The following TRAP1 variants were observed in gnomAD, a reference collection of about 807,000 sequenced individuals.
TRAP1 encodes heat shock protein 75 kDa, mitochondrial.
In TRAP1, 102 loss-of-function variants were observed where a neutral mutation model predicts 89.1. That is an observed-to-expected ratio of 1.15 (90% CI 0.98 to 1.35). The LOEUF (loss-of-function observed/expected upper bound fraction) is 1.35. TRAP1 is among the 40% of genes most tolerant of loss of function. The pLI, the probability that TRAP1 is intolerant of heterozygous loss-of-function variation, is 0.00. For missense variants in TRAP1, 1,256 were observed against 945.3 expected (o/e 1.33, Z -4.31); for synonymous variants, 508 against 388.0 (o/e 1.31, Z -3.64).
intron 5 of TRAP1, among the ~76,000 whole-genome samples, chr16:3,678,926 C>A (rs578014192): frequency 6.6e-6 from 1 of 152,198 alleles, no homozygotes; most frequent in Admixed American, 6.5e-5. Flanking sequence ...GTGGGCTTGA[C>A]GCAGAGAGGG....
chr16:3,717,459 G>A lies in TRAP1; in HGVS notation c.50C>T (p.Pro17Leu). Residue 17 changes from proline (P) to leucine (L), a missense_variant, in exon 1 of 18, where the codon CCT becomes CTT. By Grantham distance (98) the Pro-to-Leu change is moderately conservative (BLOSUM62 -3). Transcript: ENST00000246957. ...ALLLWGRRLR[P>L]LLRAPALAAV... ...CGCCAGCGCCGGCGCCCGCAGCAAAGGCCGCAGGCGGCGGCCCCACAGCAG... is the reference window on the plus strand; with the variant it reads ...CGCCAGCGCCGGCGCCCGCAGCAAAAGCCGCAGGCGGCGGCCCCACAGCAG... The A allele has an allele frequency of 7.7e-7, 1 of 1,296,686 alleles. No individual in the cohort carries two copies. The highest frequency in any genetic ancestry group is 9.7e-7 in the Non-Finnish European group (1 of 1,029,306). The allele number at this position is 1,296,686 out of a possible 1,614,324, so 80.3% of individuals were successfully genotyped here.
Position 3,674,498 on chromosome 16 carries a change from G to C in TRAP1, c.889-4C>G, listed in dbSNP as rs758767536. On this transcript the variant is annotated splice_polypyrimidine_tract_variant and splice_region_variant and intron_variant, in intron 8 of 17. Coordinates refer to ENST00000246957, the MANE Select transcript of TRAP1 (RefSeq NM_016292.3). ...TGGGGTCCATCATCCAGATGGCCTGGAAACGGAGATCGGCGGGGAGGGCGT... is the reference window on the plus strand; with the variant it reads ...TGGGGTCCATCATCCAGATGGCCTGCAAACGGAGATCGGCGGGGAGGGCGT... 1 of 1,613,770 alleles carries C rather than the reference G, an allele frequency of 6.2e-7. No homozygotes were observed. Among genetic ancestry groups the C allele is most frequent in the African/African-American group, 1.3e-5 (1 of 75,058 alleles).
At chr16:3,698,022 A>G (rs1432970169) in intron 1 of TRAP1, among the ~76,000 whole-genome samples, 1 of 151,878 alleles carries the variant, frequency 6.6e-6, no homozygotes, top group Non-Finnish European at 1.5e-5. Flanking sequence ...CATGTTGGCC[A>G]GGATGGTCTC....
Position 3,664,330 on chromosome 16 carries a change from G to A in TRAP1, c.1513C>T (p.Arg505Cys), listed in dbSNP as rs143446368. ...TAGGGTGAGTGCTCTGCCAGGTGAC[G>A]GTTGGGGGCGCACAGGTAGTAGATG... ...RNIYYLCAPN[R>C]HLAEHSPYYE... is the part of the protein sequence containing the mutation. Residue 505 changes from arginine (R) to cysteine (C), a missense_variant, in exon 13 of 18, where the codon CGT becomes TGT. Transcript: ENST00000246957. 56 of 1,612,644 alleles carry A rather than the reference G, an allele frequency of 3.5e-5. No individual in the cohort carries two copies. The highest frequency in any genetic ancestry group is 8.9e-5 in the East Asian group (4 of 44,852).
In TRAP1 at chr16:3,686,100, CA is replaced by C; in HGVS notation, c.366del (p.Asp122GlufsTer42). On this transcript the variant is annotated frameshift_variant, in exon 4 of 18. Transcript: ENST00000246957. LOFTEE classifies it high-confidence loss of function. ...FIRELISNAS[D>X]ALEKLRHKLV... ...AGTTTGTGACGCAGTTTTTCCAAGG[CA>C]TCGCTGGCATTGGAGATCAGCTCCC... The C allele has an allele frequency of 6.2e-7, 1 of 1,614,112 alleles. No homozygotes were observed.
At chr16:3,694,845 G>A (rs1418056498) in intron 1 of TRAP1, among the ~76,000 whole-genome samples, 1 of 152,138 alleles carries the variant, frequency 6.6e-6, no homozygotes. Context: ...AAACCCGGTA[G>A]CTTACAGTAA....
chr16:3,691,079 G>C, intron 1 of TRAP1, 94 bp from the exon 2 acceptor site: 1 of 1,206,506 alleles, frequency 8.3e-7, no homozygotes, highest in East Asian at 2.8e-5. Context: ...GCAGAAGCTA[G>C]CGTGGACATC....
At chr16:3,697,936 G>A (rs2051311914) in intron 1 of TRAP1, among the ~76,000 whole-genome samples, 1 of 151,276 alleles carries the variant, frequency 6.6e-6, no homozygotes, top group South Asian at 2.1e-4. Flanking sequence ...TTGCAGGTGT[G>A]CACCACCATG....
chr16:3,662,341 C>T (rs1054808292), intron 15 of TRAP1: 2 of 645,996 alleles, frequency 3.1e-6, no homozygotes, highest in South Asian at 4.0e-5. Context: ...GCCCGAGGGG[C>T]TCCACCACCC....
intron 3 of TRAP1, among the ~76,000 whole-genome samples, chr16:3,688,766 G>C (rs961040222): frequency 2.6e-5 from 4 of 152,104 alleles, no homozygotes; most frequent in Non-Finnish European, 5.9e-5. Context: ...TCCCAGGCAT[G>C]AGCCACCACA....
intron 1 of TRAP1, among the ~76,000 whole-genome samples, chr16:3,696,598 C>A (rs1031281590): frequency 6.6e-6 from 1 of 152,204 alleles, no homozygotes. Context: ...CTCTGTTGCC[C>A]AGGCTGGATC....
rs375238398 is a variant in TRAP1 at position 3,690,882 on chromosome 16, G to A, written c.192C>T (p.Ala64=). The A allele has an allele frequency of 2.0e-5, 31 of 1,586,036 alleles. No individual in the cohort carries two copies. The highest frequency in any genetic ancestry group is 2.5e-5 in the Non-Finnish European group (29 of 1,166,468). ...QAGRLFSTQT[A]EDKEEPLHSI... ...AGTGCAGGGGTTCCTCCTTGTCCTCGGCGGTCTGCGTGCTGAACAGTCGTC... is the reference window on the plus strand; with the variant it reads ...AGTGCAGGGGTTCCTCCTTGTCCTCAGCGGTCTGCGTGCTGAACAGTCGTC... Residue 64 remains alanine, a synonymous_variant, in exon 2 of 18, where the codon GCC becomes GCT. Coordinates refer to ENST00000246957, the MANE Select transcript of TRAP1 (RefSeq NM_016292.3).
chr16:3,717,230 G>A (rs1317978784), intron 1 of TRAP1, among the ~76,000 whole-genome samples, 191 bp downstream of exon 1: 1 of 152,208 alleles, frequency 6.6e-6, no homozygotes, highest in Non-Finnish European at 1.5e-5. Flanking sequence ...GAGTCCAGCC[G>A]AGGAAAAGGC....
At chr16:3,715,099 C>T (rs1456446851) in intron 1 of TRAP1, among the ~76,000 whole-genome samples, 1 of 152,116 alleles carries the variant, frequency 6.6e-6, no homozygotes, top group Non-Finnish European at 1.5e-5. Context: ...CTTGAACCAC[C>T]GCACCAGAAG....
At chr16:3,716,598 G>A (rs901041190) in intron 1 of TRAP1, among the ~76,000 whole-genome samples, 1 of 151,152 alleles carries the variant, frequency 6.6e-6, no homozygotes, top group Non-Finnish European at 1.5e-5. Context: ...GAAGTACAAC[G>A]TAGCACAATG....
intron 1 of TRAP1, among the ~76,000 whole-genome samples, chr16:3,692,595 CTTTTT>C (rs202237111): frequency 1.9e-5 from 2 of 105,194 alleles, no homozygotes; most frequent in East Asian, 2.7e-4. Context: ...AAAAACTTGC[CTTTTT>C]TTTTTTTTTT....
chr16:3,669,093 G>A (rs1025165936), intron 11 of TRAP1, among the ~76,000 whole-genome samples: 1 of 152,148 alleles, frequency 6.6e-6, no homozygotes, highest in Non-Finnish European at 1.5e-5. Flanking sequence ...GCCACTCCTG[G>A]GCAGGGTGAT....
intron 1 of TRAP1, among the ~76,000 whole-genome samples, chr16:3,708,183 G>T (rs1460753737): frequency 6.6e-6 from 1 of 151,938 alleles, no homozygotes; most frequent in Admixed American, 6.6e-5. Flanking sequence ...GGATGACAAA[G>T]CAAGACCCTG....
At chr16:3,662,401 C>T (rs2043135474) in intron 15 of TRAP1, 4 of 575,258 alleles carry the variant, frequency 7.0e-6, no homozygotes, top group Non-Finnish European at 1.2e-5. Flanking sequence ...TCGTCCTCTG[C>T]TCCATGCCAG....
Sources: allele counts gnomAD v4.1 joint callset (sites outside exome capture counted in the v4.1 genomes callset), GRCh38; gene constraint gnomAD v4.1.1; transcripts MANE v1.5; gene names NCBI Gene and HGNC (gene_info 2026-07-23, HGNC 2026-07-21).